The following EIPR1 variants were observed in gnomAD, a reference collection of about 807,000 sequenced individuals.
EIPR1 encodes EARP complex and GARP complex interacting protein 1.
A neutral mutation model predicts 48.1 loss-of-function variants in EIPR1; 25 were observed. The ratio of observed to expected loss-of-function variants is 0.52; its 90% CI spans 0.38 to 0.73. EIPR1 has a LOEUF of 0.73. EIPR1 is among the 30% of genes least tolerant of loss of function. The pLI is 0.00. For missense variants in EIPR1, 415 were observed against 506.2 expected (o/e 0.82, Z 1.73); for synonymous variants, 204 against 201.9 (o/e 1.01, Z -0.09).
At chr2:3,365,565 T>C (rs914605266) in intron 1 of EIPR1, among the ~76,000 whole-genome samples, 10 of 149,506 alleles carry the variant, frequency 6.7e-5, no homozygotes, top group Non-Finnish European at 1.3e-4. Context: ...AGGACAATAG[T>C]GGAGGGAAGG....
chr2:3,210,659 C>T (rs1665417259), intron 5 of EIPR1, among the ~76,000 whole-genome samples: 1 of 126,568 alleles, frequency 7.9e-6, no homozygotes, highest in Non-Finnish European at 1.6e-5. Flanking sequence ...GAGACGGAGT[C>T]TCGCTCTGTC....
intron 3 of EIPR1, chr2:3,298,488 G>A (rs914339725): frequency 2.0e-5 from 3 of 151,894 alleles, no homozygotes; most frequent in African/African-American, 7.3e-5. Context: ...AATCAGAAGG[G>A]AGTTATGGCC....
At chr2:3,252,138 G>A (rs527407504) in intron 4 of EIPR1, among the ~76,000 whole-genome samples, 12 of 152,312 alleles carry the variant, frequency 7.9e-5, no homozygotes, top group South Asian at 2.1e-4. Context: ...ACTCAAATAC[G>A]CGGAGTGTCC....
At chr2:3,208,862 C>A (rs1013716180) in intron 5 of EIPR1, 3 of 1,550,380 alleles carry the variant, frequency 1.9e-6, no homozygotes, top group Non-Finnish European at 2.6e-6. Flanking sequence ...TGTTCCCCGA[C>A]TCCAGTGTTC....
chr2:3,225,333 C>T (rs1225895434), intron 4 of EIPR1, among the ~76,000 whole-genome samples: 2 of 151,460 alleles, frequency 1.3e-5, no homozygotes, highest in South Asian at 2.1e-4. Flanking sequence ...GCAGCCTTGA[C>T]CTCCTGGGTC....
chr2:3,209,156 GGA>G (rs1269218342), intron 5 of EIPR1, among the ~76,000 whole-genome samples: 2 of 152,170 alleles, frequency 1.3e-5, no homozygotes, highest in Non-Finnish European at 2.9e-5. Context: ...TTTGAAAGTT[GGA>G]GAGAGAGGGC....
chr2:3,261,754 C>T (rs1667341408), intron 3 of EIPR1: 1 of 152,230 alleles, frequency 6.6e-6, no homozygotes, highest in African/African-American at 2.4e-5. Flanking sequence ...TGGTGGGCAA[C>T]TCCAAGGTCT....
intron 3 of EIPR1, among the ~76,000 whole-genome samples, chr2:3,289,593 C>T (rs1668306204): frequency 6.6e-6 from 1 of 152,190 alleles, no homozygotes; most frequent in Admixed American, 6.5e-5. Flanking sequence ...CATCCGTGAT[C>T]CTGTCTCCCT....
At chr2:3,314,374 A>G (rs758133576) in intron 3 of EIPR1, among the ~76,000 whole-genome samples, 1 of 152,142 alleles carries the variant, frequency 6.6e-6, no homozygotes, top group Non-Finnish European at 1.5e-5. Context: ...GTCCTAATTT[A>G]TCAATCTTTG....
Position 3,371,120 on chromosome 2 carries a change from T to G in EIPR1, c.42+6528A>C, listed in dbSNP as rs1009254190. 3.9e-5 allele frequency among the ~76,000 whole-genome samples: 6 copies of G among 152,274 alleles called. 1 individual carries two copies. The highest frequency in any genetic ancestry group is 1.4e-4 in the African/African-American group (6 of 41,550). On this transcript the variant is annotated intron_variant, in intron 1 of 8. Transcript: ENST00000382125. ...AAGAAAATAATTTTCAACCCAGAAT[T>G]TCATATCCAGCCAAATTAAGCTTCA...
At chr2:3,228,545 C>T (rs1666136694) in intron 4 of EIPR1, among the ~76,000 whole-genome samples, 1 of 152,144 alleles carries the variant, frequency 6.6e-6, no homozygotes, top group Non-Finnish European at 1.5e-5. Context: ...CTTTGGGGGA[C>T]TGTTGCAAGG....
intron 3 of EIPR1, among the ~76,000 whole-genome samples, chr2:3,335,484 A>T (rs1670015274): frequency 6.6e-6 from 1 of 151,622 alleles, no homozygotes; most frequent in Admixed American, 6.6e-5. Flanking sequence ...TGGTGGGGGG[A>T]CAGGGCAAGG....
At chr2:3,232,968 T>C (rs1304534409) in intron 4 of EIPR1, among the ~76,000 whole-genome samples, 1 of 152,240 alleles carries the variant, frequency 6.6e-6, no homozygotes, top group Non-Finnish European at 1.5e-5. Context: ...TTGCGAAGTC[T>C]CACGTTAAGC....
intron 3 of EIPR1, among the ~76,000 whole-genome samples, chr2:3,327,029 G>A (rs754149275): frequency 3.9e-5 from 6 of 152,202 alleles, no homozygotes; most frequent in African/African-American, 7.2e-5. Flanking sequence ...CAGGCCTGCC[G>A]GGGGCTTCCA....
intron 8 of EIPR1, among the ~76,000 whole-genome samples, chr2:3,191,078 TTTTG>T (rs531571666): frequency 2.6e-5 from 4 of 152,296 alleles, no homozygotes; most frequent in African/African-American, 4.8e-5. Flanking sequence ...TGGGTGACTT[TTTTG>T]TTTGTTTTTG....
At chr2:3,303,245 G>A (rs1668813484) in intron 3 of EIPR1, among the ~76,000 whole-genome samples, 1 of 152,236 alleles carries the variant, frequency 6.6e-6, no homozygotes, top group Admixed American at 6.5e-5. Context: ...TGGAAGGGGA[G>A]GGGTGCCAGG....
chr2:3,196,519 TG>T (rs1664811218), intron 6 of EIPR1, among the ~76,000 whole-genome samples: 1 of 152,164 alleles, frequency 6.6e-6, no homozygotes, highest in Admixed American at 6.5e-5. Context: ...AGACTTAACC[TG>T]GGGACTGCAG....
chr2:3,260,394 G>A (rs1558257571), intron 3 of EIPR1, among the ~76,000 whole-genome samples: 1 of 151,946 alleles, frequency 6.6e-6, no homozygotes, highest in Non-Finnish European at 1.5e-5. Context: ...GGGAGGCTGA[G>A]GCAAGAGAAT....
chr2:3,194,204 A>G, intron 6 of EIPR1, 38 bp from the exon 7 acceptor site: 1 of 1,608,116 alleles, frequency 6.2e-7, no homozygotes, highest in Non-Finnish European at 8.5e-7. Flanking sequence ...AAAATAGTAA[A>G]TGGATTAGGA....
Sources: allele counts gnomAD v4.1 joint callset (sites outside exome capture counted in the v4.1 genomes callset), GRCh38; gene constraint gnomAD v4.1.1; transcripts MANE v1.5; gene names NCBI Gene and HGNC (gene_info 2026-07-23, HGNC 2026-07-21).